Variants in CORO7 observed in about 807,000 individuals in gnomAD.
The protein encoded by CORO7 is coronin 7, also known as coronin-7.
A neutral mutation model predicts 126.6 loss-of-function variants in CORO7; 107 were observed. The ratio of observed to expected loss-of-function variants is 0.85; its 90% CI spans 0.72 to 0.99. The LOEUF is 0.99. Among genes scored for constraint, CORO7 ranks in the 50% least tolerant of loss-of-function variants. The pLI is 0.00. For missense variants in CORO7, 1,314 were observed against 1,255.8 expected, an observed-to-expected ratio of 1.05 and a Z score of -0.70; for synonymous variants, 603 against 536.8, an observed-to-expected ratio of 1.12 and a Z score of -1.70.
Position 4,357,905 on chromosome 16 carries a change from G to C in CORO7, c.2593+63C>G. On this transcript the variant is annotated intron_variant, in intron 25 of 27. Coordinates refer to ENST00000251166, the MANE Select transcript of CORO7 (RefSeq NM_024535.5). ...CAACAGGAATGGAACTTCAACCTGG[G>C]CCTTCTGTCCCTTTCTCCAACCCCC... 9 of 1,543,578 alleles carry C rather than the reference G, an allele frequency of 5.8e-6. 1 individual carries two copies. In the South Asian group the frequency reaches 8.3e-5, roughly 14 times the overall value.
chr16:4,395,376 G>T, intron 6 of CORO7, 37 bp from the exon 7 acceptor site: 1 of 1,613,488 alleles, frequency 6.2e-7, no homozygotes, highest in Non-Finnish European at 8.5e-7. Context: ...CTTGCGATTA[G>T]GGCTGGAGGG....
chr16:4,401,888 G>C (rs527375819), intron 6 of CORO7, among the ~76,000 whole-genome samples: 11 of 150,942 alleles, frequency 7.3e-5, no homozygotes, highest in South Asian at 6.3e-4. Context: ...AAGCCCCCGA[G>C]CCCCCTATGG....
At chr16:4,360,012 C>A (rs528040998) in intron 21 of CORO7, among the ~76,000 whole-genome samples, 16 of 140,954 alleles carry the variant, frequency 1.1e-4, no homozygotes, top group Admixed American at 5.0e-4. Context: ...TTACCCCCAA[C>A]TCATCCATCG....
intron 3 of CORO7, among the ~76,000 whole-genome samples, chr16:4,411,442 C>G (rs985589952): frequency 1.3e-5 from 2 of 152,178 alleles, no homozygotes; most frequent in African/African-American, 4.8e-5. Flanking sequence ...TGGATCACAC[C>G]TGTAATGCCA....
At chr16:4,416,220 C>T (rs1250454781) in intron 1 of CORO7, among the ~76,000 whole-genome samples, 4 of 152,126 alleles carry the variant, frequency 2.6e-5, no homozygotes, top group Admixed American at 2.6e-4. Flanking sequence ...GTGGGCGAGG[C>T]GGGCAGACCG....
chr16:4,412,527 C>T (rs375287200), intron 2 of CORO7, 97 bp from the exon 3 acceptor site: 1 of 1,289,948 alleles, frequency 7.8e-7, no homozygotes, highest in Non-Finnish European at 1.1e-6. Flanking sequence ...AGCTCAGCCT[C>T]GGACCTTCCC....
chr16:4,383,294 G>A (rs1298922425), intron 9 of CORO7: 7 of 226,778 alleles, frequency 3.1e-5, no homozygotes, highest in Middle Eastern at 1.6e-3. Context: ...GCGGGTAGGC[G>A]GCTGTGTGAC....
intron 9 of CORO7, among the ~76,000 whole-genome samples, chr16:4,376,089 C>T (rs1391941954): frequency 6.6e-6 from 1 of 152,170 alleles, no homozygotes; most frequent in Non-Finnish European, 1.5e-5. Context: ...GGGGTCCCCG[C>T]GCCTATAGGG....
chr16:4,396,276 C>T (rs1236210803), intron 6 of CORO7, among the ~76,000 whole-genome samples: 1 of 152,158 alleles, frequency 6.6e-6, no homozygotes, highest in Non-Finnish European at 1.5e-5. Flanking sequence ...GACGGGGTTT[C>T]ACCATGTTGG....
intron 23 of CORO7, 142 bp from the exon 24 acceptor site, chr16:4,358,625 T>A: frequency 1.5e-6 from 1 of 658,428 alleles, no homozygotes; most frequent in Non-Finnish European, 2.4e-6. Context: ...TTGATCATGT[T>A]GAACAACCTG....
At chr16:4,400,176 C>T (rs2055748097) in intron 6 of CORO7, among the ~76,000 whole-genome samples, 1 of 152,148 alleles carries the variant, frequency 6.6e-6, no homozygotes, top group Admixed American at 6.6e-5. Context: ...CAGACTGACC[C>T]CTCATGTAAA....
intron 9 of CORO7, chr16:4,383,494 C>T (rs1222938605): frequency 6.0e-6 from 1 of 166,998 alleles, no homozygotes; most frequent in East Asian, 1.9e-4. Context: ...ATATGAAGGC[C>T]TTTTGTAAGA....
intron 8 of CORO7, 78 bp from the exon 9 acceptor site, chr16:4,388,146 C>T: frequency 1.3e-6 from 2 of 1,537,184 alleles, no homozygotes; most frequent in Non-Finnish European, 8.8e-7. Context: ...GAAACCAGCG[C>T]CTGAGGGTGC....
Position 4,388,664 on chromosome 16 carries a change from A to G in CORO7, c.616-33T>C, listed in dbSNP as rs377274790. 2.6e-4 allele frequency: 419 copies of G among 1,596,432 alleles called. 1 individual carries two copies. Among genetic ancestry groups the G allele is most frequent in the Admixed American group, 4.7e-4 (27 of 56,882 alleles). ...AGGCAAGAGGTGGACCTGAGCCCCC[A>G]GGGCCCTGCTGGTGGGCGGGGCCCC... On this transcript the variant is annotated intron_variant, in intron 7 of 27. Transcript: ENST00000251166.
chr16:4,373,784 C>T (rs2054617794), intron 9 of CORO7, among the ~76,000 whole-genome samples: 1 of 152,136 alleles, frequency 6.6e-6, no homozygotes, highest in African/African-American at 2.4e-5. Flanking sequence ...CAGGGCCCTG[C>T]TGAGCCCAGG....
intron 6 of CORO7, among the ~76,000 whole-genome samples, chr16:4,398,373 C>T (rs929739552): frequency 1.3e-5 from 2 of 152,090 alleles, no homozygotes; most frequent in Admixed American, 6.6e-5. Flanking sequence ...TTAAAAATAG[C>T]AAGTATCAGG....
intron 6 of CORO7, among the ~76,000 whole-genome samples, chr16:4,403,086 G>A (rs1158294625): frequency 6.6e-6 from 1 of 152,000 alleles, no homozygotes; most frequent in East Asian, 1.9e-4. Context: ...CCATCAGGCA[G>A]CCCGTGGCAT....
Position 4,364,812 on chromosome 16 carries a change from G to A in CORO7, c.1007C>T (p.Thr336Ile), listed in dbSNP as rs548405976. ...ATGGTAGCCGATGGGCACGATGGCTGTGTCGCTCAGCTGTAGGACGCGGAG... is the reference window on the plus strand; with the variant it reads ...ATGGTAGCCGATGGGCACGATGGCTATGTCGCTCAGCTGTAGGACGCGGAG... ...EVLRVLQLSD[T>I]AIVPIGYHVP... Residue 336 changes from threonine (T) to isoleucine (I), a missense_variant, in exon 12 of 28, where the codon ACA becomes ATA. By Grantham distance (89) the Thr-to-Ile change is moderately conservative. Transcript: ENST00000251166. The A allele has an allele frequency of 1.9e-6, 3 of 1,612,006 alleles. No homozygotes were observed. Among genetic ancestry groups the A allele is most frequent in the African/African-American group, 1.3e-5 (1 of 75,058 alleles).
At chr16:4,408,079 G>T in intron 4 of CORO7, 102 bp downstream of exon 4, 1 of 1,551,940 alleles carries the variant, frequency 6.4e-7, no homozygotes, top group Non-Finnish European at 8.8e-7. Flanking sequence ...GGTGGGGCTG[G>T]ACTGGGAGGC....
Sources: gnomAD v4.1 joint callset for allele counts (sites outside exome capture counted in the v4.1 genomes callset) on GRCh38, gnomAD v4.1.1 for gene constraint, MANE v1.5 for transcripts, NCBI Gene and HGNC (gene_info 2026-07-23, HGNC 2026-07-21) for gene names.